Variants in SMURF2 observed in about 807,000 individuals in gnomAD.
The protein encoded by SMURF2 is SMAD specific E3 ubiquitin protein ligase 2.
A neutral mutation model predicts 109.6 loss-of-function variants in SMURF2; 48 were observed. The observed-to-expected ratio is 0.44, with a 90% CI of 0.35 to 0.56. SMURF2 has a LOEUF of 0.56. Ranked by LOEUF, SMURF2 falls within the 20% of genes least tolerant of loss-of-function variation. The probability of loss-of-function intolerance (pLI) is 0.01; values close to 1 mark genes in which losing one functional copy is unlikely to be tolerated. For missense variants in SMURF2, 575 were observed against 909.0 expected (o/e 0.63, Z 4.72); for synonymous variants, 288 against 317.1 (o/e 0.91, Z 0.97).
intron 1 of SMURF2, among the ~76,000 whole-genome samples, chr17:64,624,732 G>A (rs1463936697): frequency 1.3e-5 from 2 of 151,932 alleles, no homozygotes; most frequent in African/African-American, 4.8e-5. Context: ...GCTGAGGCAG[G>A]AGGATCGTTT....
chr17:64,650,384 C>T (rs1307583806), intron 1 of SMURF2, among the ~76,000 whole-genome samples: 3 of 151,380 alleles, frequency 2.0e-5, no homozygotes, highest in Admixed American at 1.3e-4. Context: ...GGTTTTAACG[C>T]TGTCATTTTA....
chr17:64,587,220 A>G (rs1388977867), intron 5 of SMURF2, among the ~76,000 whole-genome samples: 1 of 152,074 alleles, frequency 6.6e-6, no homozygotes, highest in Non-Finnish European at 1.5e-5. Flanking sequence ...ACTGTATTCT[A>G]GCAAGAGGGC....
chr17:64,651,299 C>T (rs782461877), intron 1 of SMURF2, among the ~76,000 whole-genome samples: 40 of 151,834 alleles, frequency 2.6e-4, no homozygotes, highest in Non-Finnish European at 5.3e-4. Flanking sequence ...TAAAGCTGGG[C>T]GCGGTGGCTC....
chr17:64,647,283 A>G (rs1275380504), intron 1 of SMURF2, among the ~76,000 whole-genome samples: 1 of 152,208 alleles, frequency 6.6e-6, no homozygotes, highest in Non-Finnish European at 1.5e-5. Context: ...CTGAAAAAAA[A>G]AGAAAAAAAA....
chr17:64,588,187 C>A (rs1969692412), intron 5 of SMURF2, among the ~76,000 whole-genome samples: 1 of 149,828 alleles, frequency 6.7e-6, no homozygotes, highest in Non-Finnish European at 1.5e-5. Flanking sequence ...AAAAGGTATA[C>A]ATTCAAGTAA....
chr17:64,566,561 G>GTTTT (rs1164717270), intron 10 of SMURF2, among the ~76,000 whole-genome samples: 1,130 of 43,720 alleles, frequency 0.026, 327 homozygotes, highest in Middle Eastern at 0.068. Flanking sequence ...AAGCTTTCTG[G>GTTTT]TTTTTTTTTT....
chr17:64,651,155 C>T (rs1454537591), intron 1 of SMURF2, among the ~76,000 whole-genome samples: 2 of 151,964 alleles, frequency 1.3e-5, no homozygotes, highest in Non-Finnish European at 2.9e-5. Flanking sequence ...TGAGATCGCG[C>T]CATTGCACTC....
intron 8 of SMURF2, 81 bp downstream of exon 8, chr17:64,580,708 T>G: frequency 7.1e-7 from 1 of 1,407,456 alleles, no homozygotes; most frequent in Non-Finnish European, 9.9e-7. Flanking sequence ...ATTAATAACT[T>G]TTTCAAAATA....
intron 9 of SMURF2, among the ~76,000 whole-genome samples, chr17:64,574,723 G>GTCAA (rs1969463666): frequency 6.6e-6 from 1 of 152,124 alleles, no homozygotes; most frequent in South Asian, 2.1e-4. Flanking sequence ...CAAAATACAT[G>GTCAA]TCAATACTCA....
intron 1 of SMURF2, among the ~76,000 whole-genome samples, chr17:64,637,129 ATT>A (rs546886359): frequency 7.0e-5 from 10 of 143,844 alleles, no homozygotes; most frequent in East Asian, 2.0e-4. Flanking sequence ...TATCTAAGAG[ATT>A]TTTTTTTTTT....
intron 1 of SMURF2, among the ~76,000 whole-genome samples, chr17:64,633,332 G>C (rs1970373897): frequency 6.6e-6 from 1 of 152,088 alleles, no homozygotes; most frequent in East Asian, 1.9e-4. Flanking sequence ...CCAGGTACTG[G>C]GAGTCAATCA....
At chr17:64,550,010 T>C (rs146258521) in intron 16 of SMURF2, among the ~76,000 whole-genome samples, 2,713 of 152,348 alleles carry the variant, frequency 0.018, 32 homozygotes, top group South Asian at 0.053. Context: ...AATTCTTTTC[T>C]TCAGAGGAAT....
At position 64,566,561 on chromosome 17, in the gene SMURF2, G is replaced by GTTTGTTTGTTTTTTTTTTTTT. The variant is rs1969305868; in HGVS notation, c.1017-3596_1017-3595insAAAAAAAAAAAAACAAACAAA. ...GATGTAGAAATGCTTAAGCTTTCTGGTTTTTTTTTTTTTTTTTTTTTTTTT... is the reference window on the plus strand; with the variant it reads ...GATGTAGAAATGCTTAAGCTTTCTGGTTTGTTTGTTTTTTTTTTTTTTTTTTTTTTTTTTTTTTTTTTTTTT... On this transcript the variant is annotated intron_variant, in intron 10 of 18. Coordinates refer to ENST00000262435, the MANE Select transcript of SMURF2 (RefSeq NM_022739.4). Among the ~76,000 whole-genome samples the GTTTGTTTGTTTTTTTTTTTTT allele has an allele frequency of 3.9e-4, 17 of 43,806 alleles. 1 individual carries two copies. Among genetic ancestry groups the GTTTGTTTGTTTTTTTTTTTTT allele is most frequent in the African/African-American group, 1.3e-3 (17 of 13,314 alleles). 28.7% of individuals were successfully genotyped at this position (43,806 alleles called of 152,430 possible).
intron 2 of SMURF2, among the ~76,000 whole-genome samples, chr17:64,605,744 A>AATATATATAT (rs71158333): frequency 0.013 from 1,251 of 98,978 alleles, 23 homozygotes; most frequent in Middle Eastern, 0.015. Context: ...CTCTAAAAAG[A>AATATATATAT]ATATATATAT....
intron 12 of SMURF2, among the ~76,000 whole-genome samples, chr17:64,559,083 A>G (rs1301667508): frequency 6.6e-6 from 1 of 152,198 alleles, no homozygotes; most frequent in Non-Finnish European, 1.5e-5. Flanking sequence ...AGCCTTCCCA[A>G]CATAACACTC....
chr17:64,659,219 G>C lies in SMURF2; in HGVS notation c.52+2610C>G, dbSNP rs1320217603. On this transcript the variant is annotated intron_variant, in intron 1 of 18. Coordinates refer to ENST00000262435, the MANE Select transcript of SMURF2 (RefSeq NM_022739.4). ...AGAAATGTTTATACCTTTCAGCAAAGGGGCAATTCCACAATAAAGTTATTA... is the reference window on the plus strand; with the variant it reads ...AGAAATGTTTATACCTTTCAGCAAACGGGCAATTCCACAATAAAGTTATTA... Among the ~76,000 whole-genome samples the C allele has an allele frequency of 2.0e-5, 3 of 152,050 alleles. No individual in the cohort carries two copies. In the East Asian group the frequency reaches 5.8e-4, roughly 29 times the overall value.
rs782802334 is a variant in SMURF2, at chr17:64,557,742, C to T, written c.1317-20G>A. 1 of 1,456,972 alleles carries T rather than the reference C, an allele frequency of 6.9e-7. No individual in the cohort carries two copies. 90.3% of individuals were successfully genotyped at this position (1,456,972 alleles called of 1,614,324 possible). ...CATTCCCTAGAAAACAAGATATGAC[C>T]AAGGAATTTTTTTGTTAATGTATAC... On this transcript the variant is annotated intron_variant, in intron 12 of 18. Transcript: ENST00000262435.
intron 6 of SMURF2, among the ~76,000 whole-genome samples, chr17:64,584,730 G>A (rs1555686936): frequency 6.6e-6 from 1 of 152,116 alleles, no homozygotes. Context: ...ACAGAAATGT[G>A]ATAATGTTAA....
intron 3 of SMURF2, among the ~76,000 whole-genome samples, chr17:64,596,386 TA>T (rs1969817138): frequency 6.6e-6 from 1 of 151,928 alleles, no homozygotes; most frequent in African/African-American, 2.4e-5. Flanking sequence ...AGTATGGATC[TA>T]AACCTAGAAG....
Sources: allele counts gnomAD v4.1 joint callset (sites outside exome capture counted in the v4.1 genomes callset), GRCh38; gene constraint gnomAD v4.1.1; transcripts MANE v1.5; gene names NCBI Gene and HGNC (gene_info 2026-07-23, HGNC 2026-07-21).